The following RBMS1 variants were observed in gnomAD, a reference collection of about 807,000 sequenced individuals.
The protein encoded by RBMS1 is RNA-binding motif, single-stranded-interacting protein 1.
A neutral mutation model predicts 62.3 loss-of-function variants in RBMS1; 17 were observed. That is an observed-to-expected ratio of 0.27 (90% CI 0.19 to 0.41). The LOEUF is 0.41. RBMS1 is among the 10% of genes least tolerant of loss of function. The probability of loss-of-function intolerance (pLI) is 1.00; values close to 1 mark genes in which losing one functional copy is unlikely to be tolerated. For missense variants in RBMS1, 334 were observed against 504.5 expected (o/e 0.66, Z 3.24); for synonymous variants, 172 against 170.0 (o/e 1.01, Z -0.09).
chr2:160,472,491 T>C (rs1425948606), intron 1 of RBMS1, among the ~76,000 whole-genome samples: 1 of 152,186 alleles, frequency 6.6e-6, no homozygotes, highest in East Asian at 1.9e-4. Context: ...TAACAAAATA[T>C]GATGTGAACT....
At chr2:160,311,583 A>C (rs1689922267) in intron 4 of RBMS1, among the ~76,000 whole-genome samples, 1 of 152,120 alleles carries the variant, frequency 6.6e-6, no homozygotes, top group East Asian at 1.9e-4. Context: ...AGCAGAAGAC[A>C]GTATAAAATT....
At chr2:160,340,542 T>TA (rs1691813536) in intron 2 of RBMS1, among the ~76,000 whole-genome samples, 1 of 152,034 alleles carries the variant, frequency 6.6e-6, no homozygotes, top group Non-Finnish European at 1.5e-5. Context: ...TATAGGGGGC[T>TA]TGGAGTGTGA....
At chr2:160,305,282 C>T (rs758170899) in intron 4 of RBMS1, among the ~76,000 whole-genome samples, 5 of 152,244 alleles carry the variant, frequency 3.3e-5, no homozygotes, top group South Asian at 2.1e-4. Context: ...AGAGCAACTT[C>T]CAGTCCTCTA....
At chr2:160,286,840 A>T (rs1336094754) in intron 7 of RBMS1, 129 bp downstream of exon 7, 7 of 1,517,116 alleles carry the variant, frequency 4.6e-6, no homozygotes, top group Non-Finnish European at 6.2e-6. Context: ...ACCGAAAGGA[A>T]GATTTAATCC....
At chr2:160,427,095 A>T (rs1485566139) in intron 1 of RBMS1, among the ~76,000 whole-genome samples, 3 of 152,220 alleles carry the variant, frequency 2.0e-5, no homozygotes, top group Non-Finnish European at 4.4e-5. Flanking sequence ...CTCCACATTC[A>T]TTGTTTAGAT....
intron 6 of RBMS1, among the ~76,000 whole-genome samples, chr2:160,290,196 A>C (rs575707781): frequency 6.7e-6 from 1 of 149,314 alleles, no homozygotes; most frequent in African/African-American, 2.5e-5. Flanking sequence ...GAATCAGGAG[A>C]TCCTATGTGA....
chr2:160,314,990 CA>C (rs1188923455), intron 3 of RBMS1, among the ~76,000 whole-genome samples: 1 of 152,136 alleles, frequency 6.6e-6, no homozygotes, highest in African/African-American at 2.4e-5. Flanking sequence ...TGAAATGATA[CA>C]GCTTTTACTG....
intron 4 of RBMS1, among the ~76,000 whole-genome samples, chr2:160,306,608 T>G (rs1364406395): frequency 6.6e-6 from 1 of 151,720 alleles, no homozygotes; most frequent in East Asian, 1.9e-4. Context: ...GTCCACAAAG[T>G]TGCAGTAATT....
chr2:160,389,863 G>A (rs1269565694), intron 1 of RBMS1, among the ~76,000 whole-genome samples: 1 of 151,212 alleles, frequency 6.6e-6, no homozygotes, highest in Admixed American at 6.6e-5. Flanking sequence ...GAGGGGAGGA[G>A]AGGAAAATTT....
intron 2 of RBMS1, among the ~76,000 whole-genome samples, chr2:160,353,909 C>A (rs528120569): frequency 2.0e-5 from 3 of 152,058 alleles, no homozygotes; most frequent in African/African-American, 7.2e-5. Flanking sequence ...TTAGTCCCTA[C>A]AAGAACCCTA....
chr2:160,493,334 G>T lies in RBMS1; in HGVS notation c.30C>A (p.Tyr10Ter). 2 of 1,613,518 alleles carry T rather than the reference G, an allele frequency of 1.2e-6. No homozygotes were observed. The highest frequency in any genetic ancestry group is 2.2e-5 in the East Asian group (1 of 44,800). The stretch of plus-strand genomic sequence containing the variant: ...GGTAATAGTAGGTGGCGTACTGAGG[G>T]TACATCTGCTGTTTCCACACTTTGC... The part of the protein sequence containing the change: MGKVWKQQM[Y>*]PQYATYYYPQ... The change falls in exon 1 of 14, where the codon TAC becomes TAA. Residue 10 changes from tyrosine to a stop codon, truncating the protein, a stop_gained. Coordinates refer to ENST00000348849, the MANE Select transcript of RBMS1 (RefSeq NM_016836.4). LOFTEE classifies it high-confidence loss of function.
In RBMS1 at chr2:160,493,569, C is replaced by G; in HGVS notation, c.-206G>C. On this transcript the variant is annotated 5_prime_UTR_variant, in exon 1 of 14. Transcript: ENST00000348849. The stretch of plus-strand genomic sequence containing the variant: ...CCTCCTCCTCCTCCTCCTCCTCCTC[C>G]TCTTCCTCCTCCTCCTCCTCCTCCC... 1 of 593,264 alleles carries G rather than the reference C, an allele frequency of 1.7e-6. No homozygotes were observed. 36.7% of individuals were successfully genotyped at this position (593,264 alleles called of 1,614,324 possible).
chr2:160,367,046 G>C (rs1693437088), intron 2 of RBMS1, 170 bp downstream of exon 2: 3 of 522,044 alleles, frequency 5.7e-6, no homozygotes, highest in South Asian at 9.7e-5. Flanking sequence ...TGTTAATATT[G>C]ACTCAAAAAG....
chr2:160,439,387 C>T (rs1452149034), intron 1 of RBMS1, among the ~76,000 whole-genome samples: 2 of 150,944 alleles, frequency 1.3e-5, no homozygotes, highest in Admixed American at 6.6e-5. Context: ...ACGGGGCGGC[C>T]GGGCAGAGAC....
At chr2:160,489,718 C>G (rs1685742819) in intron 1 of RBMS1, among the ~76,000 whole-genome samples, 1 of 152,048 alleles carries the variant, frequency 6.6e-6, no homozygotes, top group Non-Finnish European at 1.5e-5. Flanking sequence ...AGAAACGTAT[C>G]TTTCGTATAG....
intron 1 of RBMS1, among the ~76,000 whole-genome samples, chr2:160,429,744 A>G (rs1402767678): frequency 6.6e-6 from 1 of 152,236 alleles, no homozygotes; most frequent in Non-Finnish European, 1.5e-5. Context: ...TTCAAGCTGT[A>G]TTTAATAATA....
intron 6 of RBMS1, among the ~76,000 whole-genome samples, chr2:160,295,020 G>GAAAA (rs80278281): frequency 5.0e-5 from 6 of 120,262 alleles, no homozygotes; most frequent in African/African-American, 1.9e-4. Flanking sequence ...ATGTATACAA[G>GAAAA]AAAAAAAAAA....
intron 1 of RBMS1, among the ~76,000 whole-genome samples, chr2:160,386,885 A>ATACT (rs1034993801): frequency 2.6e-5 from 4 of 152,120 alleles, no homozygotes; most frequent in Non-Finnish European, 5.9e-5. Flanking sequence ...TTCCCTCAGT[A>ATACT]TTTTTCACAG....
At chr2:160,421,079 C>T (rs1306652057) in intron 1 of RBMS1, among the ~76,000 whole-genome samples, 1 of 152,122 alleles carries the variant, frequency 6.6e-6, no homozygotes, top group African/African-American at 2.4e-5. Flanking sequence ...GGCACCGTCT[C>T]TTCCTTTTCC....
Sources: gnomAD v4.1 joint callset for allele counts (sites outside exome capture counted in the v4.1 genomes callset) on GRCh38, gnomAD v4.1.1 for gene constraint, MANE v1.5 for transcripts, NCBI Gene and HGNC (gene_info 2026-07-23, HGNC 2026-07-21) for gene names.